DIP2C: variants seen among roughly 807,000 people sequenced by gnomAD.
The protein encoded by DIP2C is DIP2 acetate--CoA ligase C (putative).
In DIP2C, 33 loss-of-function variants were observed where a neutral mutation model predicts 192.4. The observed-to-expected ratio is 0.17, with a 90% CI of 0.13 to 0.23. DIP2C has a LOEUF of 0.23. Ranked by LOEUF, DIP2C falls within the 10% of genes least tolerant of loss-of-function variation. The pLI is 1.00. For synonymous variants in DIP2C, 979 were observed against 864.1 expected (o/e 1.13, Z -2.33); for missense variants, 1,537 against 2,110.1 (o/e 0.73, Z 5.32).
chr10:297,399 C>T (rs1955813909), intron 32 of DIP2C, among the ~76,000 whole-genome samples: 1 of 152,060 alleles, frequency 6.6e-6, no homozygotes, highest in African/African-American at 2.4e-5. Flanking sequence ...CAGCCTGATT[C>T]ACAATACCCA....
chr10:503,805 C>T (rs540250463), intron 1 of DIP2C, among the ~76,000 whole-genome samples: 16 of 152,328 alleles, frequency 1.1e-4, no homozygotes, highest in African/African-American at 3.8e-4. Context: ...CCTTTGTCCC[C>T]TATGGTTTTC....
At chr10:604,320 A>T (rs1472626249) in intron 1 of DIP2C, among the ~76,000 whole-genome samples, 1 of 152,216 alleles carries the variant, frequency 6.6e-6, no homozygotes, top group Admixed American at 6.5e-5. Context: ...TGCAACCTAT[A>T]AATATTTGAC....
In DIP2C at chr10:650,099, C is replaced by T. The variant is rs1021471813; in HGVS notation, c.85+39395G>A. 4.2e-6 allele frequency: 3 copies of T among 716,824 alleles called. No individual in the cohort carries two copies. In the Admixed American group the frequency reaches 6.0e-5, roughly 14 times the overall value. The allele number at this position is 716,824 out of a possible 1,614,324, so 44.4% of individuals were successfully genotyped here. A position where few individuals can be genotyped will look rare whatever the true frequency, so the allele number is the denominator to read the frequency against. ...TCCAGGAGAGAAAATAGCTTGACAC[C>T]TCCTGCGGCCCATGGAGTCCTCCCG... On this transcript the variant is annotated intron_variant, in intron 1 of 36. Coordinates refer to ENST00000280886, the MANE Select transcript of DIP2C (RefSeq NM_014974.3).
Position 525,679 on chromosome 10 carries a change from T to C in DIP2C, c.86-39149A>G, listed in dbSNP as rs188126192. 1.2e-3 allele frequency among the ~76,000 whole-genome samples: 187 copies of C among 152,278 alleles called. 1 individual carries two copies. The highest frequency in any genetic ancestry group is 7.4e-5 in the Non-Finnish European group (5 of 68,018). ...AGAACAGGGTAGGATAACAGGCCTT[T>C]GAATGCTTCGTAGGTGGAGAAAGGA... is the stretch of plus-strand genomic sequence containing the variant. On this transcript the variant is annotated intron_variant, in intron 1 of 36. Transcript: ENST00000280886.
intron 17 of DIP2C, among the ~76,000 whole-genome samples, chr10:377,538 C>G (rs1355522421): frequency 1.3e-5 from 2 of 152,212 alleles, no homozygotes; most frequent in African/African-American, 4.8e-5. Flanking sequence ...TTTTATCCCT[C>G]TTTTTAGATA....
chr10:510,938 G>A (rs1845972911), intron 1 of DIP2C, among the ~76,000 whole-genome samples: 1 of 152,136 alleles, frequency 6.6e-6, no homozygotes, highest in Non-Finnish European at 1.5e-5. Flanking sequence ...CATGTCACTT[G>A]CCACTCATGT....
At chr10:329,724 A>G (rs1957419478) in intron 29 of DIP2C, 123 bp from the exon 30 acceptor site, 1 of 1,272,564 alleles carries the variant, frequency 7.9e-7, no homozygotes, top group Non-Finnish European at 1.1e-6. Context: ...CCGTGCTGCC[A>G]TCTGTAGAAG....
intron 1 of DIP2C, chr10:665,761 C>T (rs1312713714): frequency 6.6e-6 from 1 of 152,066 alleles, no homozygotes; most frequent in Admixed American, 6.6e-5. Flanking sequence ...GCCGCTTTCC[C>T]AAAACAAAAC....
intron 1 of DIP2C, chr10:662,085 C>A (rs1397767078): frequency 1.4e-6 from 1 of 717,424 alleles, no homozygotes; most frequent in African/African-American, 1.7e-5. Flanking sequence ...ACGATTCTCT[C>A]CGAAGCCCTC....
intron 17 of DIP2C, among the ~76,000 whole-genome samples, chr10:378,261 T>C (rs1383040194): frequency 2.6e-5 from 4 of 152,370 alleles, no homozygotes; most frequent in Middle Eastern, 3.4e-3. Flanking sequence ...ACAGTTCACG[T>C]AGCAAGACTG....
intron 1 of DIP2C, among the ~76,000 whole-genome samples, chr10:509,195 C>A (rs1226505537): frequency 1.3e-5 from 2 of 152,126 alleles, no homozygotes; most frequent in African/African-American, 4.8e-5. Flanking sequence ...TGGTGGCACG[C>A]GTGGATACTG....
Position 286,340 on chromosome 10 carries a change from G to T in DIP2C, c.4052C>A (p.Pro1351Gln). Residue 1351 changes from proline to glutamine, a missense_variant, in exon 34 of 37, where the codon CCA becomes CAA. Physicochemically the swap from Pro to Gln is moderately conservative, Grantham distance 76. Transcript: ENST00000280886. ...GTTGGCAATTATAATCCGAACCCCTGGAAGTATCTATTTGGGAGAGGAAAA... is the reference window on the plus strand; with the variant it reads ...GTTGGCAATTATAATCCGAACCCCTTGAAGTATCTATTTGGGAGAGGAAAA... The part of the protein sequence containing the change: ...LPLMESGKIL[P>Q]GVRIIIANPE... 1 of 1,614,116 alleles carries T rather than the reference G, an allele frequency of 6.2e-7. No homozygotes were observed. The highest frequency in any genetic ancestry group is 8.5e-7 in the Non-Finnish European group (1 of 1,179,972).
At chr10:389,817 G>T (rs558670983) in intron 13 of DIP2C, among the ~76,000 whole-genome samples, 174 bp downstream of exon 13, 1 of 152,382 alleles carries the variant, frequency 6.6e-6, no homozygotes, top group South Asian at 2.1e-4. Context: ...CCAGTCTGTA[G>T]TATTTGCTAT....
intron 1 of DIP2C, among the ~76,000 whole-genome samples, chr10:545,769 G>A (rs1243217172): frequency 6.6e-6 from 1 of 152,098 alleles, no homozygotes; most frequent in Non-Finnish European, 1.5e-5. Flanking sequence ...GTGAGGGAGG[G>A]TGCAGTCCAT....
intron 36 of DIP2C, 120 bp from the exon 37 acceptor site, chr10:277,697 C>T: frequency 7.4e-7 from 1 of 1,356,620 alleles, no homozygotes; most frequent in Non-Finnish European, 1.0e-6. Flanking sequence ...ACAGTCTCCT[C>T]CGGCCTCTCC....
At chr10:417,434 G>A (rs957787975) in intron 6 of DIP2C, among the ~76,000 whole-genome samples, 8 of 104,276 alleles carry the variant, frequency 7.7e-5, no homozygotes, top group Non-Finnish European at 1.4e-4. Flanking sequence ...TAGTAAAGAC[G>A]AACTCATCAG....
At position 415,754 on chromosome 10, in the gene DIP2C, A is replaced by G. The variant is rs1965587318; in HGVS notation, c.859+15T>C. ...GGAGCATCTGGAAGAAACGTGTGGT[A>G]AAGAGTTCTCTCACCTTCTAATAAT... On this transcript the variant is annotated intron_variant, in intron 7 of 36. Transcript: ENST00000280886. 1.2e-6 allele frequency: 2 copies of G among 1,613,762 alleles called. No individual in the cohort carries two copies. The highest frequency in any genetic ancestry group is 1.1e-5 in the South Asian group (1 of 91,028).
intron 8 of DIP2C, among the ~76,000 whole-genome samples, chr10:409,424 A>G (rs1210341829): frequency 1.3e-5 from 2 of 152,174 alleles, no homozygotes; most frequent in African/African-American, 2.4e-5. Flanking sequence ...CTAGCAGATC[A>G]AAGCTTCAAA....
Position 341,341 on chromosome 10 carries a change from A to G in DIP2C, c.3454-12T>C, listed in dbSNP as rs1228306130. On this transcript the variant is annotated splice_polypyrimidine_tract_variant and intron_variant, in intron 28 of 36. Transcript: ENST00000280886. ...GCTGCGTGAGACATCTGCAAAATACAAGGCTGTGTTAAACGCATCGGACCT... is the reference window on the plus strand; with the variant it reads ...GCTGCGTGAGACATCTGCAAAATACGAGGCTGTGTTAAACGCATCGGACCT... 6.2e-7 allele frequency: 1 copy of G among 1,613,388 alleles called. No homozygotes were observed. Among genetic ancestry groups the G allele is most frequent in the East Asian group, 2.2e-5 (1 of 44,876 alleles).
Sources: allele counts gnomAD v4.1 joint callset (sites outside exome capture counted in the v4.1 genomes callset), GRCh38; gene constraint gnomAD v4.1.1; transcripts MANE v1.5; gene names NCBI Gene and HGNC (gene_info 2026-07-23, HGNC 2026-07-21).